Variants in ZNF473 observed in about 807,000 individuals in gnomAD.
ZNF473 encodes the protein zinc finger protein 473.
A neutral mutation model predicts 11.1 loss-of-function variants in ZNF473; 4 were observed. That is an observed-to-expected ratio of 0.36 (90% CI 0.18 to 0.82). ZNF473 has a LOEUF of 0.82. Ranked by LOEUF, ZNF473 falls within the 40% of genes least tolerant of loss-of-function variation. ZNF473 has a pLI of 0.49. For missense variants in ZNF473, 854 were observed against 1,084.0 expected (o/e 0.79, Z 2.98); for synonymous variants, 404 against 390.4 (o/e 1.03, Z -0.41).
chr19:50,042,834 C>T (rs1448060184), intron 4 of ZNF473: 4 of 152,126 alleles, frequency 2.6e-5, no homozygotes, highest in African/African-American at 9.7e-5. Flanking sequence ...GCCGAGGGAA[C>T]AACATGAGCA....
At chr19:50,038,532 A>G (rs992344591) in intron 2 of ZNF473, among the ~76,000 whole-genome samples, 5 of 152,166 alleles carry the variant, frequency 3.3e-5, no homozygotes, top group Admixed American at 6.5e-5. Flanking sequence ...CACTCAGAAC[A>G]TGGGACCTCA....
chr19:50,039,284 C>T lies in ZNF473; in HGVS notation c.133C>T (p.Leu45=). Residue 45 remains leucine, a synonymous_variant, in exon 3 of 5, where the codon CTG becomes TTG. Transcript: ENST00000270617. This position sits in a 1 kb window ranked among gnomAD's most constrained non-coding sequence, Gnocchi z 4.8. ...ALDNCQDLFL[L]DPPRPNLTSH... is the part of the protein sequence containing the mutation. The stretch of plus-strand genomic sequence containing the variant: ...GGACAATTGCCAGGACCTCTTCCTG[C>T]TGGGTGAGTGTTGCCTGTCCCCAGG... 1.2e-6 allele frequency: 2 copies of T among 1,613,996 alleles called. No individual in the cohort carries two copies. Among genetic ancestry groups the T allele is most frequent in the Non-Finnish European group, 1.7e-6 (2 of 1,179,886 alleles).
At chr19:50,033,672 C>T (rs11880683) in intron 2 of ZNF473, among the ~76,000 whole-genome samples, 7,985 of 152,220 alleles carry the variant, frequency 0.052, 692 homozygotes, top group African/African-American at 0.18. Flanking sequence ...AATGATCTCA[C>T]GGGGCTCAAA....
intron 2 of ZNF473, among the ~76,000 whole-genome samples, chr19:50,036,804 A>G (rs901586341): frequency 1.3e-5 from 2 of 152,114 alleles, no homozygotes; most frequent in Non-Finnish European, 2.9e-5. Flanking sequence ...TAGAGTCTCC[A>G]CCAGCAGGAC....
At chr19:50,042,398 C>G (rs1218717973) in intron 4 of ZNF473, 1 of 152,226 alleles carries the variant, frequency 6.6e-6, no homozygotes, top group Non-Finnish European at 1.5e-5. Flanking sequence ...AGAAGCAGGG[C>G]CCTGAACCAG....
Position 50,045,816 on chromosome 19 carries a change from C to G in ZNF473, c.1373C>G (p.Pro458Arg). 4 of 1,613,990 alleles carry G rather than the reference C, an allele frequency of 2.5e-6. No homozygotes were observed. Among genetic ancestry groups the G allele is most frequent in the Non-Finnish European group, 2.5e-6 (3 of 1,179,956 alleles). Residue 458 changes from proline (P) to arginine (R), a missense_variant, in exon 5 of 5, where the codon CCC becomes CGC. Pro to Arg is a moderately radical substitution (Grantham distance 103). Around this residue, in one of 2 missense-constraint regions of ZNF473, gnomAD observed 668 missense variants for 790.2 expected, o/e 0.85. Transcript: ENST00000270617. ...EHRRIHTGYR[P>R]HKCQECVRSF... The stretch of plus-strand genomic sequence containing the variant: ...CGGCGAATTCATACAGGCTACAGAC[C>G]CCACAAATGTCAGGAATGCGTCAGG...
At chr19:50,028,064 C>T (rs1176128870) in intron 1 of ZNF473, among the ~76,000 whole-genome samples, 9 of 151,774 alleles carry the variant, frequency 5.9e-5, no homozygotes, top group Admixed American at 5.9e-4. Flanking sequence ...TTTGGAAGGC[C>T]GAGGTGGGTG....
chr19:50,045,149 C>G lies in ZNF473; in HGVS notation c.706C>G (p.Pro236Ala). 6.2e-7 allele frequency: 1 copy of G among 1,614,190 alleles called. No individual in the cohort carries two copies. Among genetic ancestry groups the G allele is most frequent in the Admixed American group, 1.7e-5 (1 of 60,020 alleles). Residue 236 changes from proline to alanine, a missense_variant, in exon 5 of 5, where the codon CCC becomes GCC. Around this residue, in one of 2 missense-constraint regions of ZNF473, gnomAD observed 668 missense variants for 790.2 expected, o/e 0.85. Coordinates refer to ENST00000270617, the MANE Select transcript of ZNF473 (RefSeq NM_015428.4). ...QHWITHTREK[P>A]TVHQECEQGF... ...CTGGATCACTCATACTAGGGAGAAA[C>G]CCACTGTCCATCAAGAGTGTGAGCA...
chr19:50,040,144 T>C lies in ZNF473; in HGVS notation c.136+857T>C, dbSNP rs553980903. ...AGGACTCATCCTGTAGTCAGACTCATGGCTATGACTTACTACAGTGAAAAG... is the reference window on the plus strand; with the variant it reads ...AGGACTCATCCTGTAGTCAGACTCACGGCTATGACTTACTACAGTGAAAAG... On this transcript the variant is annotated intron_variant, in intron 3 of 4. Transcript: ENST00000270617. Among the ~76,000 whole-genome samples, 3 of 152,284 alleles carry C rather than the reference T, an allele frequency of 2.0e-5. 1 individual carries two copies. Among genetic ancestry groups the C allele is most frequent in the African/African-American group, 7.2e-5 (3 of 41,560 alleles).
In ZNF473 at chr19:50,031,015, C is replaced by T. The variant is rs1290458114; in HGVS notation, c.-68C>T. 3 of 1,551,790 alleles carry T rather than the reference C, an allele frequency of 1.9e-6. No individual in the cohort carries two copies. Among genetic ancestry groups the T allele is most frequent in the Non-Finnish European group, 2.6e-6 (3 of 1,147,020 alleles). ...ACAGCTCCCTTGTGCTTCCCACAGCCCTGCCAGCCGGGAACACGGAGGGGA... is the reference window on the plus strand; with the variant it reads ...ACAGCTCCCTTGTGCTTCCCACAGCTCTGCCAGCCGGGAACACGGAGGGGA... On this transcript the variant is annotated 5_prime_UTR_variant, in exon 2 of 5. Coordinates refer to ENST00000270617, the MANE Select transcript of ZNF473 (RefSeq NM_015428.4).
Position 50,046,393 on chromosome 19 carries a change from A to T in ZNF473, c.1950A>T (p.Glu650Asp), listed in dbSNP as rs1181382970. The T allele has an allele frequency of 2.5e-6, 4 of 1,614,080 alleles. No individual in the cohort carries two copies. Among genetic ancestry groups the T allele is most frequent in the Admixed American group, 3.3e-5 (2 of 60,004 alleles). ...AGGAGCACCCTTTTAAATGTAACGAATGCGGAAAGACCTTCAGCCACAGTG... is the reference window on the plus strand; with the variant it reads ...AGGAGCACCCTTTTAAATGTAACGATTGCGGAAAGACCTTCAGCCACAGTG... ...HTKEHPFKCNECGKTFSHSAH... is the reference protein window; with the variant it reads ...HTKEHPFKCNDCGKTFSHSAH... The change falls in exon 5 of 5, where the codon GAA becomes GAT. Residue 650 changes from glutamate (E) to aspartate (D), a missense_variant. Transcript: ENST00000270617. The surrounding 1 kb of genome is among the most constrained non-coding windows in gnomAD (Gnocchi z 5.9).
chr19:50,042,785 A>G (rs1018411935), intron 4 of ZNF473: 1 of 152,228 alleles, frequency 6.6e-6, no homozygotes, highest in African/African-American at 2.4e-5. Flanking sequence ...TGCTTGGCAT[A>G]TAAGGGGTGC....
At chr19:50,040,334 A>G (rs1978699920) in intron 3 of ZNF473, among the ~76,000 whole-genome samples, 1 of 152,212 alleles carries the variant, frequency 6.6e-6, no homozygotes, top group Non-Finnish European at 1.5e-5. Context: ...CCACCAGGGA[A>G]GCTCATCAGA....
In ZNF473 at chr19:50,046,316, G is replaced by A. The variant is rs1979118239; in HGVS notation, c.1873G>A (p.Gly625Arg). Residue 625 changes from glycine (G) to arginine (R), a missense_variant, in exon 5 of 5, where the codon GGG (glycine) becomes AGG (arginine). Physicochemically the swap from Gly to Arg is moderately radical, Grantham distance 125. Coordinates refer to ENST00000270617, the MANE Select transcript of ZNF473 (RefSeq NM_015428.4). This position sits in a 1 kb window ranked among gnomAD's most constrained non-coding sequence, Gnocchi z 5.9. ...RVRLYKWGEQ[G>R]KAISSASLIK... ...GAGGCTGTATAAATGGGGTGAGCAA[G>A]GGAAAGCCATCAGCAGTGCCTCCCT... is the stretch of plus-strand genomic sequence containing the variant. The A allele has an allele frequency of 6.2e-7, 1 of 1,614,170 alleles. No individual in the cohort carries two copies. Among genetic ancestry groups the A allele is most frequent in the Admixed American group, 1.7e-5 (1 of 60,022 alleles).
At chr19:50,041,920 C>T (rs764041656) in intron 4 of ZNF473, 101 bp downstream of exon 4, 38 of 930,428 alleles carry the variant, frequency 4.1e-5, no homozygotes, top group Middle Eastern at 2.6e-4. Context: ...GACATTACAA[C>T]GCTCAGCTTC....
At chr19:50,027,877 G>A (rs1034406833) in intron 1 of ZNF473, among the ~76,000 whole-genome samples, 5 of 152,088 alleles carry the variant, frequency 3.3e-5, no homozygotes, top group African/African-American at 4.8e-5. Flanking sequence ...TGGTAGATAC[G>A]GGGGTTTCAC....
At position 50,046,030 on chromosome 19, in the gene ZNF473, C is replaced by G. The variant is rs200236327; in HGVS notation, c.1587C>G (p.Thr529=). The change falls in exon 5 of 5, where the codon ACC becomes ACG. Residue 529 remains threonine (T), a synonymous_variant. Coordinates refer to ENST00000270617, the MANE Select transcript of ZNF473 (RefSeq NM_015428.4). The surrounding 1 kb of genome is among the most constrained non-coding windows in gnomAD (Gnocchi z 5.9). ...GAGAACGCTTCATTTGCGGCTCAACCCTGAAGTGCCACGAGAGTGTTCACG... is the reference window on the plus strand; with the variant it reads ...GAGAACGCTTCATTTGCGGCTCAACGCTGAAGTGCCACGAGAGTGTTCACG... The part of the protein sequence containing the change: ...ECGERFICGS[T]LKCHESVHAR... 14 of 1,614,176 alleles carry G rather than the reference C, an allele frequency of 8.7e-6. No individual in the cohort carries two copies. The highest frequency in any genetic ancestry group is 1.1e-5 in the Non-Finnish European group (13 of 1,180,038).
In ZNF473 at chr19:50,045,702, T is replaced by C; in HGVS notation, c.1259T>C (p.Ile420Thr). The change falls in exon 5 of 5, where the codon ATC (isoleucine) becomes ACC (threonine). Residue 420 changes from isoleucine (I) to threonine (T), a missense_variant. This residue lies in a region of ZNF473 where 668 missense variants were observed against 790.2 expected (regional missense o/e 0.85). Coordinates refer to ENST00000270617, the MANE Select transcript of ZNF473 (RefSeq NM_015428.4). The part of the protein sequence containing the change: ...KSFRHNSTLK[I>T]HQRVHSGEKP... ...TTCAGGCATAACTCTACCCTAAAGATCCATCAGAGGGTTCACAGTGGAGAG... is the reference window on the plus strand; with the variant it reads ...TTCAGGCATAACTCTACCCTAAAGACCCATCAGAGGGTTCACAGTGGAGAG... 6.2e-7 allele frequency: 1 copy of C among 1,614,046 alleles called. No homozygotes were observed. The highest frequency in any genetic ancestry group is 8.5e-7 in the Non-Finnish European group (1 of 1,179,992).
At chr19:50,038,319 T>C (rs886304044) in intron 2 of ZNF473, among the ~76,000 whole-genome samples, 1 of 151,866 alleles carries the variant, frequency 6.6e-6, no homozygotes, top group African/African-American at 2.4e-5. Flanking sequence ...TCACTAAAAG[T>C]TGGACAACCA....
Sources: allele counts gnomAD v4.1 joint callset (sites outside exome capture counted in the v4.1 genomes callset), GRCh38; gene constraint gnomAD v4.1.1; regional missense constraint gnomAD v4.1.1; non-coding constraint Gnocchi (gnomAD v3.1); transcripts MANE v1.5; gene names NCBI Gene and HGNC (gene_info 2026-07-23, HGNC 2026-07-21).